Variants in CGAS observed in about 807,000 individuals in gnomAD.
CGAS encodes the protein 2'3'-cGAMP synthase.
Under a neutral mutation model 34.0 loss-of-function variants are expected in CGAS, and 31 were observed. The ratio of observed to expected loss-of-function variants is 0.91; its 90% CI spans 0.69 to 1.23. CGAS has a LOEUF of 1.23. Among genes scored for constraint, CGAS ranks in the 50% most tolerant of loss-of-function variants. The pLI, the probability that CGAS is intolerant of heterozygous loss-of-function variation, is 0.00. For missense variants in CGAS, 597 were observed against 657.6 expected (o/e 0.91, Z 1.01); for synonymous variants, 266 against 260.0 (o/e 1.02, Z -0.22).
chr6:73,436,714 G>T (rs1465578134), intron 3 of CGAS, among the ~76,000 whole-genome samples: 1 of 148,758 alleles, frequency 6.7e-6, no homozygotes, highest in East Asian at 2.0e-4. Flanking sequence ...GTAGAGACAG[G>T]CTTTCACCAT....
intron 3 of CGAS, among the ~76,000 whole-genome samples, chr6:73,432,850 G>T (rs962046513): frequency 6.6e-6 from 1 of 152,118 alleles, no homozygotes; most frequent in African/African-American, 2.4e-5. Flanking sequence ...TTGGGAGGCC[G>T]AGGTGAGCAG....
At chr6:73,431,238 A>G (rs557739223) in intron 3 of CGAS, among the ~76,000 whole-genome samples, 4 of 152,192 alleles carry the variant, frequency 2.6e-5, no homozygotes, top group African/African-American at 4.8e-5. Flanking sequence ...TGGGAGGCTG[A>G]GGCGGTGGAT....
chr6:73,434,158 C>G, intron 3 of CGAS, among the ~76,000 whole-genome samples: 1 of 152,210 alleles, frequency 6.6e-6, no homozygotes, highest in East Asian at 1.9e-4. Context: ...TCAGGGATAG[C>G]TACACAATAC....
intron 1 of CGAS, among the ~76,000 whole-genome samples, chr6:73,450,643 T>G (rs1180809806): frequency 6.6e-6 from 1 of 152,046 alleles, no homozygotes; most frequent in Non-Finnish European, 1.5e-5. Context: ...GATATTCTTA[T>G]TTGTTTGTTT....
intron 4 of CGAS, among the ~76,000 whole-genome samples, chr6:73,428,267 A>G (rs941780458): frequency 6.6e-6 from 1 of 151,946 alleles, no homozygotes; most frequent in Admixed American, 6.6e-5. Context: ...AGTTTGGCCA[A>G]TCAATCCCTA....
intron 2 of CGAS, among the ~76,000 whole-genome samples, chr6:73,444,367 G>A (rs564857406): frequency 6.6e-6 from 1 of 151,550 alleles, no homozygotes; most frequent in South Asian, 2.1e-4. Flanking sequence ...GGAGTGCAAT[G>A]CCCCGATCTC....
chr6:73,443,456 T>TGAAAC (rs1770417369), intron 2 of CGAS, among the ~76,000 whole-genome samples: 1 of 151,994 alleles, frequency 6.6e-6, no homozygotes, highest in Non-Finnish European at 1.5e-5. Context: ...GCCAGGCTGG[T>TGAAAC]CTTGAACTCC....
chr6:73,428,864 T>A, intron 3 of CGAS, 53 bp from the exon 4 acceptor site: 1 of 1,460,262 alleles, frequency 6.8e-7, no homozygotes, highest in Non-Finnish European at 9.4e-7. Context: ...CATCCATATC[T>A]AAACAATATT....
At position 73,452,217 on chromosome 6, in the gene CGAS, T is replaced by G; in HGVS notation, c.-36A>C. 1 of 1,566,438 alleles carries G rather than the reference T, an allele frequency of 6.4e-7. No homozygotes were observed. Among genetic ancestry groups the G allele is most frequent in the Non-Finnish European group, 8.6e-7 (1 of 1,157,716 alleles). ...TTCTGTTCCCCGAAAGAAGAATCCGTTTCAGGAAAAGGCCGCAAGAGGAAG... is the reference window on the plus strand; with the variant it reads ...TTCTGTTCCCCGAAAGAAGAATCCGGTTCAGGAAAAGGCCGCAAGAGGAAG... On this transcript the variant is annotated 5_prime_UTR_variant, in exon 1 of 5. Coordinates refer to ENST00000370315, the MANE Select transcript of CGAS (RefSeq NM_138441.3).
At chr6:73,429,554 C>T (rs311672) in intron 3 of CGAS, among the ~76,000 whole-genome samples, 315 of 151,310 alleles carry the variant, frequency 2.1e-3, no homozygotes, top group Middle Eastern at 0.01. Context: ...CACCTGGGCG[C>T]GGTGGCTCAC....
chr6:73,429,686 C>T (rs372392989), intron 3 of CGAS, among the ~76,000 whole-genome samples: 24 of 152,040 alleles, frequency 1.6e-4, no homozygotes, highest in African/African-American at 4.3e-4. Flanking sequence ...ATTAGCCGGG[C>T]GTGGTGGCGG....
Position 73,451,685 on chromosome 6 carries a change from C to T in CGAS, c.497G>A (p.Arg166Gln), listed in dbSNP as rs370001875. The part of the protein sequence containing the change: ...RDAAPGASKL[R>Q]AVLEKLKLSR... ...GAGCTTCAACTTCTCCAAAACCGCC[C>T]GGAGCTTCGAGGCCCCAGGCGCCGC... Residue 166 changes from arginine (R) to glutamine (Q), a missense_variant, in exon 1 of 5, where the codon CGG becomes CAG. Arg to Gln is a conservative substitution (Grantham distance 43). This residue lies in a region of CGAS where 321 missense variants were observed against 314.3 expected (regional missense o/e 1.02). Coordinates refer to ENST00000370315, the MANE Select transcript of CGAS (RefSeq NM_138441.3). 2.2e-5 allele frequency: 35 copies of T among 1,613,838 alleles called. No homozygotes were observed. Among genetic ancestry groups the T allele is most frequent in the Non-Finnish European group, 2.9e-5 (34 of 1,180,022 alleles).
chr6:73,427,222 T>C (rs1026898564), intron 4 of CGAS, among the ~76,000 whole-genome samples: 1 of 152,094 alleles, frequency 6.6e-6, no homozygotes, highest in African/African-American at 2.4e-5. Flanking sequence ...TGCCTGCATG[T>C]TGGGCATTTT....
At chr6:73,451,001 AAAAG>A (rs757775400) in intron 1 of CGAS, among the ~76,000 whole-genome samples, 4,792 of 149,664 alleles carry the variant, frequency 0.032, 123 homozygotes, top group East Asian at 0.16. Context: ...AAAAAAAAAA[AAAAG>A]AAAAGAAAAG....
At chr6:73,432,433 T>C (rs529572338) in intron 3 of CGAS, among the ~76,000 whole-genome samples, 11 of 152,070 alleles carry the variant, frequency 7.2e-5, no homozygotes, top group African/African-American at 2.7e-4. Flanking sequence ...AGTGCTTGGA[T>C]TACAGGTGTG....
intron 3 of CGAS, among the ~76,000 whole-genome samples, chr6:73,437,012 G>A (rs1452098577): frequency 2.7e-5 from 4 of 150,320 alleles, no homozygotes; most frequent in African/African-American, 7.4e-5. Context: ...TTAGCCAGGC[G>A]TGGTGGCACA....
In CGAS at chr6:73,440,255, T is replaced by A. The variant is rs748280561; in HGVS notation, c.1068A>T (p.Pro356=). Residue 356 remains proline (P), a synonymous_variant, in exon 3 of 5, where the codon CCA becomes CCT. Coordinates refer to ENST00000370315, the MANE Select transcript of CGAS (RefSeq NM_138441.3). ...AKVRKQLRLK[P]FYLVPKHAKE... is the part of the protein sequence containing the mutation. ...TTGCATGCTTGGGTACAAGGTAAAA[T>A]GGCTTTAGTCGTAGTTGCTTCCTAA... The A allele has an allele frequency of 6.2e-7, 1 of 1,614,194 alleles. No individual in the cohort carries two copies.
intron 1 of CGAS, among the ~76,000 whole-genome samples, chr6:73,449,926 C>G (rs1043789045): frequency 6.6e-6 from 1 of 151,294 alleles, no homozygotes; most frequent in East Asian, 2.0e-4. Flanking sequence ...ACCTGGAAGC[C>G]GGAGGTTGCA....
At position 73,424,027 on chromosome 6, in the gene CGAS, C is replaced by T. The variant is rs1206313786; in HGVS notation, c.*1200G>A. 1 of 151,890 alleles carries T rather than the reference C, an allele frequency of 6.6e-6. No homozygotes were observed. The highest frequency in any genetic ancestry group is 1.5e-5 in the Non-Finnish European group (1 of 67,986). The allele number at this position is 151,890 out of a possible 1,614,324, so 9.4% of individuals were successfully genotyped here. On this transcript the variant is annotated 3_prime_UTR_variant, in exon 5 of 5. Transcript: ENST00000370315. ...GCAGTTGCCTCTAGGCTGAATGCTA[C>T]CTAAAATAAAAAAAGTGTTACTGAA...
Sources: gnomAD v4.1 joint callset for allele counts (sites outside exome capture counted in the v4.1 genomes callset) on GRCh38, gnomAD v4.1.1 for gene constraint, gnomAD v4.1.1 regional missense constraint, MANE v1.5 for transcripts, NCBI Gene and HGNC (gene_info 2026-07-23, HGNC 2026-07-21) for gene names.